The following ADAMTSL2 variants were observed in gnomAD, a reference collection of about 807,000 sequenced individuals.
ADAMTSL2 encodes ADAMTS-like protein 2.
Under a neutral mutation model 117.0 loss-of-function variants are expected in ADAMTSL2, and 55 were observed. The ratio of observed to expected loss-of-function variants is 0.47; its 90% CI spans 0.38 to 0.59. The LOEUF (loss-of-function observed/expected upper bound fraction) is 0.59. ADAMTSL2 is among the 20% of genes least tolerant of loss of function. The pLI is 0.00. For missense variants in ADAMTSL2, 1,182 were observed against 1,354.5 expected (o/e 0.87, Z 2.00); for synonymous variants, 572 against 566.4 (o/e 1.01, Z -0.14).
At chr9:133,541,175 T>C (rs1020823985) in intron 7 of ADAMTSL2, among the ~76,000 whole-genome samples, 174 bp downstream of exon 7, 3 of 152,174 alleles carry the variant, frequency 2.0e-5, no homozygotes, top group Non-Finnish European at 4.4e-5. Flanking sequence ...TAGGCCTCCG[T>C]TGGCTTGCAA....
At chr9:133,548,225 C>T (rs1300408398) in intron 9 of ADAMTSL2, among the ~76,000 whole-genome samples, 3 of 152,246 alleles carry the variant, frequency 2.0e-5, no homozygotes, top group Non-Finnish European at 2.9e-5. Flanking sequence ...TGAACCCAGG[C>T]CTGCCTGGTG....
intron 9 of ADAMTSL2, among the ~76,000 whole-genome samples, chr9:133,552,055 AC>A (rs1830499279): frequency 6.6e-6 from 1 of 151,828 alleles, no homozygotes. Context: ...GTCTCAAACT[AC>A]TGACCTCATG....
intron 7 of ADAMTSL2, 93 bp from the exon 8 acceptor site, chr9:133,544,377 C>T (rs1462358884): frequency 2.0e-5 from 21 of 1,073,906 alleles, no homozygotes; most frequent in Non-Finnish European, 3.0e-5. Flanking sequence ...TAGACAGCCA[C>T]CGCTCACCCT....
Position 133,554,655 on chromosome 9 carries a change from G to A in ADAMTSL2, c.1238G>A (p.Gly413Glu). 2 of 1,521,216 alleles carry A rather than the reference G, an allele frequency of 1.3e-6. No homozygotes were observed. Among genetic ancestry groups the A allele is most frequent in the Non-Finnish European group, 1.8e-6 (2 of 1,129,562 alleles). The allele number at this position is 1,521,216 out of a possible 1,614,324, so 94.2% of individuals were successfully genotyped here. ...TNEVCEQAGG[G>E]ACEGPPRGKG... is the part of the protein sequence containing the mutation. ...GAGGTGTGCGAGCAGGCCGGCGGCG[G>A]GGCCTGCGAGGGGCCCCCCAGGGGC... The change falls in exon 10 of 19, where the codon GGG (glycine) becomes GAG (glutamate). Residue 413 changes from glycine to glutamate, a missense_variant. Gly to Glu is a moderately conservative substitution (Grantham distance 98). This residue lies in a region of ADAMTSL2 where 345 missense variants were observed against 325.8 expected (regional missense o/e 1.06). Transcript: ENST00000651351. The surrounding 1 kb of genome is among the most constrained non-coding windows in gnomAD (Gnocchi z 5.2).
At chr9:133,563,520 C>CG (rs1284863013) in intron 12 of ADAMTSL2, among the ~76,000 whole-genome samples, 1 of 152,114 alleles carries the variant, frequency 6.6e-6, no homozygotes, top group African/African-American at 2.4e-5. Context: ...GGAGAGGGGA[C>CG]GTCGCTCGAG....
chr9:133,545,913 C>T (rs1043279887), intron 8 of ADAMTSL2, among the ~76,000 whole-genome samples: 2 of 152,132 alleles, frequency 1.3e-5, no homozygotes, highest in African/African-American at 4.8e-5. Context: ...TATCTTCTGA[C>T]TTTTCTACGT....
At chr9:133,563,828 A>AGAGAGAGAGAGAGG (rs1830810580) in intron 12 of ADAMTSL2, among the ~76,000 whole-genome samples, 1 of 85,534 alleles carries the variant, frequency 1.2e-5, no homozygotes, top group Non-Finnish European at 2.5e-5. Context: ...GGAGAGAGAG[A>AGAGAGAGAGAGAGG]GAGAGAGAGA....
intron 11 of ADAMTSL2, 135 bp from the exon 12 acceptor site, chr9:133,561,063 C>A: frequency 1.3e-6 from 1 of 767,370 alleles, no homozygotes; most frequent in Non-Finnish European, 2.3e-6. Flanking sequence ...GGTGGAGGGT[C>A]GGCCCGGGGC....
Position 133,534,818 on chromosome 9 carries a change from C to T in ADAMTSL2, c.-250C>T. ...GAGGGAGGCCGGGCCGCAGCCTCTG[C>T]ACTCACGCCGCCCCCGCACGCACAG... On this transcript the variant is annotated 5_prime_UTR_variant, in exon 1 of 19. Transcript: ENST00000651351. 1 of 1,493,422 alleles carries T rather than the reference C, an allele frequency of 6.7e-7. No homozygotes were observed. Among genetic ancestry groups the T allele is most frequent in the Non-Finnish European group, 9.0e-7 (1 of 1,117,312 alleles). The allele number at this position is 1,493,422 out of a possible 1,614,324, so 92.5% of individuals were successfully genotyped here. A position where few individuals can be genotyped will look rare whatever the true frequency, so the allele number is the denominator to read the frequency against.
chr9:133,564,378 G>C (rs1335841718), intron 12 of ADAMTSL2, among the ~76,000 whole-genome samples: 1 of 59,252 alleles, frequency 1.7e-5, no homozygotes. Context: ...GAGAGAGGGA[G>C]AGAGAGGGAG....
In ADAMTSL2 at chr9:133,536,588, T is replaced by A. The variant is rs1564490947; in HGVS notation, c.-125T>A. 1.2e-6 allele frequency: 2 copies of A among 1,605,062 alleles called. No homozygotes were observed. Among genetic ancestry groups the A allele is most frequent in the Non-Finnish European group, 1.7e-6 (2 of 1,175,434 alleles). On this transcript the variant is annotated 5_prime_UTR_variant, in exon 2 of 19. Coordinates refer to ENST00000651351, the MANE Select transcript of ADAMTSL2 (RefSeq NM_014694.4). ...GGTCTGCCAGACAACCACGACCAACTAGTCCCAGATAACCTTGAGGCCTGG... is the reference window on the plus strand; with the variant it reads ...GGTCTGCCAGACAACCACGACCAACAAGTCCCAGATAACCTTGAGGCCTGG...
chr9:133,537,887 G>A (rs543623632), intron 3 of ADAMTSL2, among the ~76,000 whole-genome samples: 7 of 152,226 alleles, frequency 4.6e-5, no homozygotes, highest in African/African-American at 9.6e-5. Context: ...AGGGAGCCCC[G>A]GGAGAAGCAG....
At chr9:133,567,092 G>A in intron 13 of ADAMTSL2, 30 bp downstream of exon 13, 1 of 1,590,302 alleles carries the variant, frequency 6.3e-7, no homozygotes, top group South Asian at 1.1e-5. Flanking sequence ...CTGGGCAGGG[G>A]GTCGGCAGGG....
chr9:133,548,667 G>A (rs1326095757), intron 9 of ADAMTSL2, among the ~76,000 whole-genome samples: 3 of 152,192 alleles, frequency 2.0e-5, no homozygotes, highest in African/African-American at 4.8e-5. Flanking sequence ...GGGCAGGAGG[G>A]CATCACATAC....
chr9:133,555,992 A>G, intron 11 of ADAMTSL2, 62 bp downstream of exon 11: 2 of 1,581,882 alleles, frequency 1.3e-6, no homozygotes, highest in Non-Finnish European at 1.7e-6. Context: ...GGCCGAGGCC[A>G]GGTAGAAAGT....
At chr9:133,539,308 C>T (rs367950285) in intron 4 of ADAMTSL2, among the ~76,000 whole-genome samples, 9 of 152,314 alleles carry the variant, frequency 5.9e-5, no homozygotes, top group South Asian at 4.2e-4. Context: ...CTTGTCTGCA[C>T]GCTGGGTTCC....
Position 133,554,378 on chromosome 9 carries a change from A to G in ADAMTSL2, c.961A>G (p.Ser321Gly). Reference sequence around the variant, plus strand: ...CTAGGTGTGGAACCAGAACGGCAAAAGCCCCTCCATCACCTTCGAGTACAC... The same window carrying G: ...CTAGGTGTGGAACCAGAACGGCAAAGGCCCCTCCATCACCTTCGAGTACAC... ...NVMVWNQNGK[S>G]PSITFEYTLL... Residue 321 changes from serine to glycine, a missense_variant, in exon 10 of 19, where the codon AGC becomes GGC. Coordinates refer to ENST00000651351, the MANE Select transcript of ADAMTSL2 (RefSeq NM_014694.4). This position sits in a 1 kb window ranked among gnomAD's most constrained non-coding sequence, Gnocchi z 5.2. 1 of 1,558,504 alleles carries G rather than the reference A, an allele frequency of 6.4e-7. No homozygotes were observed. The highest frequency in any genetic ancestry group is 1.2e-5 in the South Asian group (1 of 85,608).
intron 8 of ADAMTSL2, among the ~76,000 whole-genome samples, chr9:133,544,984 C>CTGA (rs77499890): frequency 0.095 from 14,498 of 152,212 alleles, 939 homozygotes; most frequent in Non-Finnish European, 0.15. Flanking sequence ...GGGTCTCATG[C>CTGA]TGATGTTCTT....
intron 17 of ADAMTSL2, among the ~76,000 whole-genome samples, chr9:133,572,931 GGCCCT>G (rs1831144056): frequency 6.6e-6 from 1 of 152,202 alleles, no homozygotes; most frequent in African/African-American, 2.4e-5. Context: ...GGCTCCTCAG[GGCCCT>G]GCCAAAGGCT....
Sources: allele counts gnomAD v4.1 joint callset (sites outside exome capture counted in the v4.1 genomes callset), GRCh38; gene constraint gnomAD v4.1.1; regional missense constraint gnomAD v4.1.1; non-coding constraint Gnocchi (gnomAD v3.1); transcripts MANE v1.5; gene names NCBI Gene and HGNC (gene_info 2026-07-23, HGNC 2026-07-21).